The following POLR2H variants were observed in gnomAD, a reference collection of about 807,000 sequenced individuals.
POLR2H encodes the protein DNA-directed RNA polymerases I, II, and III subunit RPABC3.
A neutral mutation model predicts 18.1 loss-of-function variants in POLR2H; 3 were observed. The observed-to-expected ratio is 0.17, with a 90% CI of 0.08 to 0.43. The LOEUF (loss-of-function observed/expected upper bound fraction) is 0.43, where lower values mean the gene tolerates loss of function less well. POLR2H is among the 20% of genes least tolerant of loss of function. The pLI, the probability that POLR2H is intolerant of heterozygous loss-of-function variation, is 0.99. For synonymous variants in POLR2H, 76 were observed against 69.0 expected, an observed-to-expected ratio of 1.10 and a Z score of -0.50; for missense variants, 103 against 184.6, an observed-to-expected ratio of 0.56 and a Z score of 2.56.
chr3:184,363,734 C>T (rs1390927901), intron 2 of POLR2H, among the ~76,000 whole-genome samples, 169 bp downstream of exon 2: 3 of 152,160 alleles, frequency 2.0e-5, no homozygotes, highest in Admixed American at 2.0e-4. Flanking sequence ...CTCCCGAGCT[C>T]TCTCTGGCTT....
At chr3:184,364,501 T>TACAG (rs1712895106) in intron 2 of POLR2H, 3 of 154,378 alleles carry the variant, frequency 1.9e-5, no homozygotes, top group African/African-American at 7.2e-5. Context: ...ATGTCGGGAT[T>TACAG]ACAGGCATGA....
At chr3:184,367,164 TGTGTGTG>T (rs1560277521) in intron 5 of POLR2H, among the ~76,000 whole-genome samples, 9 of 151,918 alleles carry the variant, frequency 5.9e-5, no homozygotes, top group African/African-American at 9.7e-5. Context: ...TGTGTGTGTG[TGTGTGTG>T]GCTACTCTGT....
rs1712650405 is a variant in POLR2H at position 184,363,468 on chromosome 3, C to T, written c.-25C>T. 1.2e-6 allele frequency: 2 copies of T among 1,605,398 alleles called. No individual in the cohort carries two copies. Among genetic ancestry groups the T allele is most frequent in the African/African-American group, 1.3e-5 (1 of 74,796 alleles). On this transcript the variant is annotated 5_prime_UTR_variant, in exon 2 of 6. Coordinates refer to ENST00000456318, the MANE Select transcript of POLR2H (RefSeq NM_006232.5). ...AACTGTGGTCGCGCTCTCACCCCTT[C>T]TGCTGCTCTCGTGGCCCCCTCGCGA...
intron 5 of POLR2H, among the ~76,000 whole-genome samples, chr3:184,367,647 T>C (rs1713560037): frequency 6.6e-6 from 1 of 151,914 alleles, no homozygotes; most frequent in Admixed American, 6.6e-5. Context: ...CCACCATGCC[T>C]GGCTAATTTT....
Position 184,363,492 on chromosome 3 carries a change from G to A in POLR2H, c.-1G>A, listed in dbSNP as rs770678634. 1.9e-6 allele frequency: 3 copies of A among 1,613,960 alleles called. No homozygotes were observed. Among genetic ancestry groups the A allele is most frequent in the African/African-American group, 1.3e-5 (1 of 75,064 alleles). On this transcript the variant is annotated 5_prime_UTR_variant, in exon 2 of 6. Transcript: ENST00000456318. ...TCTGCTGCTCTCGTGGCCCCCTCGC[G>A]ATGGCGGGCATCCTGTTTGAGGATA...
chr3:184,368,428 G>T lies in POLR2H; in HGVS notation c.*134G>T. On this transcript the variant is annotated 3_prime_UTR_variant, in exon 6 of 6. Coordinates refer to ENST00000456318, the MANE Select transcript of POLR2H (RefSeq NM_006232.5). ...TCCACCGTGGCGGCATCTTTAACTGGCCTCCACTCAATGGGAAACTGACTC... is the reference window on the plus strand; with the variant it reads ...TCCACCGTGGCGGCATCTTTAACTGTCCTCCACTCAATGGGAAACTGACTC... 3.2e-6 allele frequency: 2 copies of T among 632,976 alleles called. No homozygotes were observed. The highest frequency in any genetic ancestry group is 2.6e-5 in the South Asian group (1 of 37,904). 39.2% of individuals were successfully genotyped at this position (632,976 alleles called of 1,614,324 possible). A position where few individuals can be genotyped will look rare whatever the true frequency, so the allele number is the denominator to read the frequency against.
chr3:184,363,483 C>G lies in POLR2H; in HGVS notation c.-10C>G, dbSNP rs769304241. 6.2e-7 allele frequency: 1 copy of G among 1,612,162 alleles called. No homozygotes were observed. Among genetic ancestry groups the G allele is most frequent in the Non-Finnish European group, 8.5e-7 (1 of 1,178,462 alleles). ...CTCACCCCTTCTGCTGCTCTCGTGG[C>G]CCCCTCGCGATGGCGGGCATCCTGT... On this transcript the variant is annotated 5_prime_UTR_variant, in exon 2 of 6. Transcript: ENST00000456318.
chr3:184,368,068 T>C, intron 5 of POLR2H, 109 bp from the exon 6 acceptor site: 1 of 1,555,900 alleles, frequency 6.4e-7, no homozygotes. Flanking sequence ...AGAATTTTGG[T>C]TCCTAGTGAC....
At chr3:184,367,737 G>T (rs199877666) in intron 5 of POLR2H, among the ~76,000 whole-genome samples, 2 of 152,080 alleles carry the variant, frequency 1.3e-5, no homozygotes, top group East Asian at 3.9e-4. Flanking sequence ...TGATCCGCCC[G>T]CCTCAGCCTC....
chr3:184,363,315 C>T lies in POLR2H; in HGVS notation c.-178C>T. 1.5e-6 allele frequency: 1 copy of T among 646,760 alleles called. No individual in the cohort carries two copies. The highest frequency in any genetic ancestry group is 2.8e-6 in the Non-Finnish European group (1 of 355,474). The allele number at this position is 646,760 out of a possible 1,614,324, so 40.1% of individuals were successfully genotyped here. A position where few individuals can be genotyped will look rare whatever the true frequency, so the allele number is the denominator to read the frequency against. Reference sequence around the variant, plus strand: ...AAGTTAAGTAGCCCCGAGCGGGAGGCTGTGGCGGAAGTGGTCGCGTTACCG... The same window carrying T: ...AAGTTAAGTAGCCCCGAGCGGGAGGTTGTGGCGGAAGTGGTCGCGTTACCG... On this transcript the variant is annotated 5_prime_UTR_variant, in exon 2 of 6. Coordinates refer to ENST00000456318, the MANE Select transcript of POLR2H (RefSeq NM_006232.5).
At chr3:184,367,470 A>AGCTTT (rs1713511148) in intron 5 of POLR2H, among the ~76,000 whole-genome samples, 2 of 149,920 alleles carry the variant, frequency 1.3e-5, no homozygotes, top group Admixed American at 1.3e-4. Context: ...GTTAGTGTAA[A>AGCTTT]GCTTTTCTTT....
In POLR2H at chr3:184,363,575, G is replaced by T. The variant is rs1349060259; in HGVS notation, c.73+10G>T. On this transcript the variant is annotated intron_variant, in intron 2 of 5. Transcript: ENST00000456318. Reference sequence around the variant, plus strand: ...AAGAAGTTTGACCGAGGTAAGTAAGGTATGTAGGGGCGGTTTGGAGGAAGA... The same window carrying T: ...AAGAAGTTTGACCGAGGTAAGTAAGTTATGTAGGGGCGGTTTGGAGGAAGA... 3.7e-6 allele frequency: 6 copies of T among 1,610,778 alleles called. No homozygotes were observed. Among genetic ancestry groups the T allele is most frequent in the Non-Finnish European group, 5.1e-6 (6 of 1,177,076 alleles).
At chr3:184,367,575 C>G (rs1713540987) in intron 5 of POLR2H, among the ~76,000 whole-genome samples, 1 of 151,814 alleles carries the variant, frequency 6.6e-6, no homozygotes, top group Non-Finnish European at 1.5e-5. Context: ...CAAGCTCCGC[C>G]TCCCGGGTTC....
At chr3:184,367,049 C>G (rs1713417337) in intron 5 of POLR2H, among the ~76,000 whole-genome samples, 1 of 151,852 alleles carries the variant, frequency 6.6e-6, no homozygotes, top group Non-Finnish European at 1.5e-5. Flanking sequence ...AGACTTGCTT[C>G]CCCAGGAATA....
chr3:184,368,258 C>T lies in POLR2H; in HGVS notation c.417C>T (p.Ser139=). ...ACCTGCATGGATTCGAGGTGGACTC[C>T]AGAGTTTATCTCCTGATGAAGAAGC... ...ANNLHGFEVD[S]RVYLLMKKLA... Residue 139 remains serine, a synonymous_variant, in exon 6 of 6, where the codon TCC becomes TCT. Transcript: ENST00000456318. 6.2e-7 allele frequency: 1 copy of T among 1,610,842 alleles called. No homozygotes were observed. Among genetic ancestry groups the T allele is most frequent in the Non-Finnish European group, 8.5e-7 (1 of 1,178,062 alleles).
At chr3:184,363,919 C>A (rs528474727) in intron 2 of POLR2H, among the ~76,000 whole-genome samples, 2 of 152,240 alleles carry the variant, frequency 1.3e-5, no homozygotes, top group East Asian at 3.9e-4. Context: ...GGCGTGGTGG[C>A]GGGCGCCTGT....
At position 184,368,410 on chromosome 3, in the gene POLR2H, T is replaced by C; in HGVS notation, c.*116T>C. On this transcript the variant is annotated 3_prime_UTR_variant, in exon 6 of 6. Coordinates refer to ENST00000456318, the MANE Select transcript of POLR2H (RefSeq NM_006232.5). ...GGAAGGGCTGGCTCACTGTCCACCG[T>C]GGCGGCATCTTTAACTGGCCTCCAC... 1.3e-6 allele frequency: 1 copy of C among 799,702 alleles called. No homozygotes were observed. The highest frequency in any genetic ancestry group is 1.9e-6 in the Non-Finnish European group (1 of 517,906). 49.5% of individuals were successfully genotyped at this position (799,702 alleles called of 1,614,324 possible).
chr3:184,365,383 A>C (rs1194219854), intron 4 of POLR2H, 157 bp downstream of exon 4: 2 of 654,464 alleles, frequency 3.1e-6, no homozygotes, highest in African/African-American at 3.6e-5. Flanking sequence ...CAAACAGGCC[A>C]GGCACCGTGG....
chr3:184,363,847 G>A (rs530937448), intron 2 of POLR2H, among the ~76,000 whole-genome samples: 1 of 152,296 alleles, frequency 6.6e-6, no homozygotes, highest in South Asian at 2.1e-4. Context: ...ACACTGTCTT[G>A]TGAGACCAGC....
Sources: allele counts gnomAD v4.1 joint callset (sites outside exome capture counted in the v4.1 genomes callset), GRCh38; gene constraint gnomAD v4.1.1; transcripts MANE v1.5; gene names NCBI Gene and HGNC (gene_info 2026-07-23, HGNC 2026-07-21).